Variants in CPXM2 observed in about 807,000 individuals in gnomAD.
CPXM2 encodes inactive carboxypeptidase-like protein X2.
Under a neutral mutation model 86.1 loss-of-function variants are expected in CPXM2, and 66 were observed. The ratio of observed to expected loss-of-function variants is 0.77; its 90% CI spans 0.63 to 0.94. The LOEUF is 0.94. Among genes scored for constraint, CPXM2 ranks in the 40% least tolerant of loss-of-function variants. CPXM2 has a pLI of 0.00. For missense variants in CPXM2, 948 were observed against 1,026.3 expected, an observed-to-expected ratio of 0.92 and a Z score of 1.04; for synonymous variants, 388 against 400.2, an observed-to-expected ratio of 0.97 and a Z score of 0.36.
chr10:123,752,353 A>G (rs1299777377), intron 13 of CPXM2: 4 of 984,914 alleles, frequency 4.1e-6, no homozygotes, highest in Admixed American at 1.2e-4. Flanking sequence ...TCAGTGACAA[A>G]TGGTAGGAAT....
chr10:123,918,678 T>C (rs1419574721), intron 2 of CPXM2, among the ~76,000 whole-genome samples: 2 of 152,174 alleles, frequency 1.3e-5, no homozygotes, highest in South Asian at 2.1e-4. Context: ...TTTTCCCTTC[T>C]TTTAGTCTTC....
intron 2 of CPXM2, among the ~76,000 whole-genome samples, chr10:123,918,504 C>A (rs183941388): frequency 1.3e-5 from 2 of 152,328 alleles, no homozygotes; most frequent in Non-Finnish European, 2.9e-5. Flanking sequence ...GCTCCCACCT[C>A]ATATTTCCTG....
intron 3 of CPXM2, among the ~76,000 whole-genome samples, chr10:123,849,633 G>A (rs1848562159): frequency 6.6e-6 from 1 of 151,926 alleles, no homozygotes; most frequent in South Asian, 2.1e-4. Flanking sequence ...GGCTGGTCTC[G>A]ATCTCCTGAC....
At chr10:123,887,176 C>T (rs969356862) in intron 1 of CPXM2, 1 of 152,172 alleles carries the variant, frequency 6.6e-6, no homozygotes, top group Non-Finnish European at 1.5e-5. Context: ...TGGTGAGAGT[C>T]CATCCATGGA....
At chr10:123,859,653 C>A (rs1197140127) in intron 3 of CPXM2, among the ~76,000 whole-genome samples, 1 of 152,208 alleles carries the variant, frequency 6.6e-6, no homozygotes, top group Non-Finnish European at 1.5e-5. Flanking sequence ...GGAGACTTTC[C>A]TGTGAGAAAG....
At chr10:123,850,958 A>G (rs1249142001) in intron 3 of CPXM2, among the ~76,000 whole-genome samples, 1 of 152,214 alleles carries the variant, frequency 6.6e-6, no homozygotes, top group Non-Finnish European at 1.5e-5. Flanking sequence ...GCTACTTTAC[A>G]TTCCCAGCAT....
At chr10:123,796,738 G>C (rs1028299488) in intron 6 of CPXM2, among the ~76,000 whole-genome samples, 1 of 152,258 alleles carries the variant, frequency 6.6e-6, no homozygotes, top group Non-Finnish European at 1.5e-5. Flanking sequence ...GCCCCAGGCA[G>C]TGCTGGAAGG....
At chr10:123,927,174 C>A (rs73368771) in intron 2 of CPXM2, among the ~76,000 whole-genome samples, 1 of 152,140 alleles carries the variant, frequency 6.6e-6, no homozygotes, top group Non-Finnish European at 1.5e-5. Context: ...CACCACTGGG[C>A]CTTTTCAAAG....
chr10:123,848,470 C>T (rs141573204), intron 3 of CPXM2, among the ~76,000 whole-genome samples: 4 of 152,220 alleles, frequency 2.6e-5, no homozygotes, highest in East Asian at 3.9e-4. Flanking sequence ...TAAACATCCA[C>T]GGTTTAAAAT....
intron 4 of CPXM2, among the ~76,000 whole-genome samples, chr10:123,812,034 C>T (rs942203694): frequency 4.6e-5 from 7 of 152,326 alleles, no homozygotes; most frequent in African/African-American, 1.4e-4. Flanking sequence ...CTACCATTTG[C>T]ATACCTTCCA....
rs184448996 is a variant in CPXM2 at position 123,770,071 on chromosome 10, C to T, written c.1102+845G>A. On this transcript the variant is annotated intron_variant, in intron 8 of 13. Coordinates refer to ENST00000241305, the MANE Select transcript of CPXM2 (RefSeq NM_198148.3). ...GGTGGATCACCTGAGGTCGGGAGTTCGAGACCAGCCTGACCAACATGGAGA... is the reference window on the plus strand; with the variant it reads ...GGTGGATCACCTGAGGTCGGGAGTTTGAGACCAGCCTGACCAACATGGAGA... Among the ~76,000 whole-genome samples the T allele has an allele frequency of 9.2e-5, 14 of 152,262 alleles. No homozygotes were observed. The South Asian group carries it at 1.5e-3, about 16-fold the overall frequency.
chr10:123,798,171 T>C, intron 5 of CPXM2, 45 bp from the exon 6 acceptor site: 1 of 1,522,450 alleles, frequency 6.6e-7, no homozygotes, highest in Non-Finnish European at 8.9e-7. Flanking sequence ...TAGTGCTTAA[T>C]TACCAAGGGA....
At chr10:123,843,226 A>G (rs898914680) in intron 3 of CPXM2, 8 of 449,934 alleles carry the variant, frequency 1.8e-5, no homozygotes, top group African/African-American at 1.2e-4. Context: ...AGCTGGGACT[A>G]CAAGCACACA....
intron 2 of CPXM2, among the ~76,000 whole-genome samples, chr10:123,920,458 T>TA (rs1564822767): frequency 1.3e-5 from 2 of 152,282 alleles, no homozygotes; most frequent in East Asian, 1.9e-4. Flanking sequence ...ATCTAATGTT[T>TA]AAAAAATCAT....
At chr10:123,855,601 C>T (rs572881797) in intron 3 of CPXM2, among the ~76,000 whole-genome samples, 10 of 152,242 alleles carry the variant, frequency 6.6e-5, no homozygotes, top group Admixed American at 2.0e-4. Flanking sequence ...CAGGGAGACA[C>T]GTACAGGACG....
At chr10:123,907,308 G>A (rs1475272918) in intron 2 of CPXM2, among the ~76,000 whole-genome samples, 1 of 152,228 alleles carries the variant, frequency 6.6e-6, no homozygotes, top group Non-Finnish European at 1.5e-5. Flanking sequence ...AAACCACACA[G>A]CTTTCTGTAA....
chr10:123,762,286 T>C, intron 10 of CPXM2, 117 bp from the exon 11 acceptor site: 1 of 1,422,484 alleles, frequency 7.0e-7, no homozygotes, highest in Non-Finnish European at 9.6e-7. Context: ...TTAGTAAAGT[T>C]CAGAATTTCA....
At position 123,916,002 on chromosome 10, in the gene CPXM2, C is replaced by A. The variant is rs139913879; in HGVS notation, n.174+23475G>T. Among the ~76,000 whole-genome samples the A allele has an allele frequency of 8.6e-3, 1,314 of 152,262 alleles. 11 individuals are homozygous for A. Among genetic ancestry groups the A allele is most frequent in the Non-Finnish European group, 0.012 (828 of 68,020 alleles). On this transcript the variant is annotated intron_variant and non_coding_transcript_variant, in intron 2 of 19. Coordinates refer to the CPXM2 transcript ENST00000368854. ...CTGTGCCCTCTGGGAAAACAGTCAC[C>A]AGCTTTGAAAGCTTGTGGATTCCAG...
In CPXM2 at chr10:123,920,086, G is replaced by T. The variant is rs79152140; in HGVS notation, n.174+19391C>A. ...CAGCAGGGGATAAATTTCAACATGA[G>T]ATTTAATGGGGTCAAACAAACTATA... On this transcript the variant is annotated intron_variant and non_coding_transcript_variant, in intron 2 of 19. Coordinates refer to the CPXM2 transcript ENST00000368854. Among the ~76,000 whole-genome samples, 577 of 152,226 alleles carry T rather than the reference G, an allele frequency of 3.8e-3. 1 individual carries two copies. Among genetic ancestry groups the T allele is most frequent in the African/African-American group, 0.013 (544 of 41,548 alleles).
Sources: allele counts gnomAD v4.1 joint callset (sites outside exome capture counted in the v4.1 genomes callset), GRCh38; gene constraint gnomAD v4.1.1; transcripts MANE v1.5; gene names NCBI Gene and HGNC (gene_info 2026-07-23, HGNC 2026-07-21).